Variants in YTHDC1 observed in about 807,000 individuals in gnomAD.
YTHDC1 encodes the protein YTH N6-methyladenosine RNA binding protein C1, also known as YTH domain-containing protein 1.
YTHDC1 carries 12 observed loss-of-function variants against 107.0 expected under a neutral mutation model. The observed-to-expected ratio is 0.11, with a 90% CI of 0.07 to 0.18. The LOEUF is 0.18. YTHDC1 is among the 10% of genes least tolerant of loss of function. YTHDC1 has a pLI of 1.00. For missense variants in YTHDC1, 635 were observed against 898.8 expected (o/e 0.71, Z 3.75); for synonymous variants, 280 against 289.5 (o/e 0.97, Z 0.33).
At chr4:68,316,917 A>G (rs1385402828) in intron 15 of YTHDC1, among the ~76,000 whole-genome samples, 1 of 152,216 alleles carries the variant, frequency 6.6e-6, no homozygotes, top group Non-Finnish European at 1.5e-5. Context: ...CTGGTTAACC[A>G]CTTTGTATGT....
intron 1 of YTHDC1, among the ~76,000 whole-genome samples, chr4:68,339,929 C>T (rs961125220): frequency 2.0e-5 from 3 of 152,112 alleles, no homozygotes; most frequent in African/African-American, 7.2e-5. Context: ...TAGAAATACA[C>T]ACAAATACCA....
intron 1 of YTHDC1, among the ~76,000 whole-genome samples, chr4:68,340,120 C>A (rs1724650063): frequency 6.6e-6 from 1 of 151,988 alleles, no homozygotes; most frequent in Non-Finnish European, 1.5e-5. Flanking sequence ...ACATGAATTA[C>A]AGAAAGGTCT....
rs1377688709 is a variant in YTHDC1, at chr4:68,324,242, C to A, written c.1350-19G>T. On this transcript the variant is annotated intron_variant, in intron 9 of 16. Transcript: ENST00000344157. ...TTCACGCCTAAATACAAAGTAATAT[C>A]AATTACATTCTTCTGCAGAATCCTT... The A allele has an allele frequency of 1.9e-6, 3 of 1,592,538 alleles. No homozygotes were observed. The highest frequency in any genetic ancestry group is 2.6e-6 in the Non-Finnish European group (3 of 1,161,578).
At chr4:68,345,283 A>G (rs1725288242) in intron 1 of YTHDC1, among the ~76,000 whole-genome samples, 1 of 152,194 alleles carries the variant, frequency 6.6e-6, no homozygotes, top group Non-Finnish European at 1.5e-5. Context: ...CTTCTGGGTC[A>G]GAAGACAGTG....
At chr4:68,339,082 G>A (rs533250697) in intron 1 of YTHDC1, among the ~76,000 whole-genome samples, 104 of 152,230 alleles carry the variant, frequency 6.8e-4, no homozygotes, top group Non-Finnish European at 1.2e-3. Context: ...CCAAAAATGT[G>A]CACTCTCCAC....
intron 1 of YTHDC1, among the ~76,000 whole-genome samples, chr4:68,346,100 TAC>T (rs1553908023): frequency 1.5e-5 from 2 of 134,134 alleles, no homozygotes; most frequent in East Asian, 2.1e-4. Flanking sequence ...TATATATATA[TAC>T]ACACACACCT....
chr4:68,325,955 CAGAAGT>C (rs1722947341), intron 9 of YTHDC1, among the ~76,000 whole-genome samples: 1 of 151,962 alleles, frequency 6.6e-6, no homozygotes, highest in South Asian at 2.1e-4. Context: ...TTCAGGCTCT[CAGAAGT>C]AGAAAGACTA....
intron 1 of YTHDC1, among the ~76,000 whole-genome samples, chr4:68,346,695 G>A (rs182309007): frequency 1.3e-5 from 2 of 152,274 alleles, no homozygotes; most frequent in Non-Finnish European, 2.9e-5. Context: ...ATATGGCAGT[G>A]TCAGTGTTCA....
intron 1 of YTHDC1, among the ~76,000 whole-genome samples, chr4:68,343,340 A>T (rs1276786894): frequency 1.3e-5 from 2 of 151,140 alleles, no homozygotes; most frequent in Non-Finnish European, 3.0e-5. Flanking sequence ...CTAGGATTAC[A>T]GAGGCCCGCC....
In YTHDC1 at chr4:68,316,330, T is replaced by C; in HGVS notation, c.1943A>G (p.Tyr648Cys). ...TGCACTTACTACTCGTTTATCTCTG[T>C]ATCTTGCTTCATGTGGTACTGGATG... ...GHHPVPHEAR[Y>C]RDKRVHDYDM... Residue 648 changes from tyrosine (Y) to cysteine (C), a missense_variant, in exon 16 of 17, where the codon TAC becomes TGC. This residue lies in a region of YTHDC1 where 256 missense variants were observed against 372.9 expected (regional missense o/e 0.69). Coordinates refer to ENST00000344157, the MANE Select transcript of YTHDC1 (RefSeq NM_001031732.4). 6.2e-7 allele frequency: 1 copy of C among 1,613,264 alleles called. No individual in the cohort carries two copies. The highest frequency in any genetic ancestry group is 8.5e-7 in the Non-Finnish European group (1 of 1,179,582).
intron 9 of YTHDC1, among the ~76,000 whole-genome samples, chr4:68,324,543 C>T (rs1346058927): frequency 1.3e-5 from 2 of 152,186 alleles, no homozygotes; most frequent in Non-Finnish European, 2.9e-5. Context: ...AGTTGTTTTA[C>T]GCAGTTTGCA....
intron 11 of YTHDC1, among the ~76,000 whole-genome samples, chr4:68,321,656 G>T (rs1203001608): frequency 6.6e-6 from 1 of 152,020 alleles, no homozygotes; most frequent in African/African-American, 2.4e-5. Flanking sequence ...AAAAATAAGG[G>T]GCTCTGCCAG....
chr4:68,345,313 G>C (rs147475869), intron 1 of YTHDC1, among the ~76,000 whole-genome samples: 1 of 152,030 alleles, frequency 6.6e-6, no homozygotes, highest in Non-Finnish European at 1.5e-5. Context: ...AACATGTGAG[G>C]TTCCAGCATC....
chr4:68,316,680 A>G (rs1244543675), intron 15 of YTHDC1, among the ~76,000 whole-genome samples: 3 of 152,218 alleles, frequency 2.0e-5, no homozygotes, highest in Non-Finnish European at 4.4e-5. Context: ...CAATGGAAAT[A>G]GCAAACACTT....
chr4:68,349,630 A>AGCCCCCCCCCC, intron 1 of YTHDC1, 96 bp downstream of exon 1: 5 of 153,364 alleles, frequency 3.3e-5, no homozygotes, highest in Non-Finnish European at 5.2e-5. Context: ...TAACCTCCCC[A>AGCCCCCCCCCC]ACCCCCACCC....
rs767930493 is a variant in YTHDC1 at position 68,327,175 on chromosome 4, G to C, written c.1349+2827C>G. Among the ~76,000 whole-genome samples the C allele has an allele frequency of 5.9e-5, 9 of 152,134 alleles. No individual in the cohort carries two copies. In the Middle Eastern group the frequency reaches 0.01, roughly 172 times the overall value. On this transcript the variant is annotated intron_variant, in intron 9 of 16. Transcript: ENST00000344157. Reference sequence around the variant, plus strand: ...CGCTTGAACCCGGGAGGCGGAAGTTGTGGTGAGCCGAGATTGCGCCATTGC... The same window carrying C: ...CGCTTGAACCCGGGAGGCGGAAGTTCTGGTGAGCCGAGATTGCGCCATTGC...
At chr4:68,326,650 G>C (rs1478517651) in intron 9 of YTHDC1, among the ~76,000 whole-genome samples, 3 of 152,100 alleles carry the variant, frequency 2.0e-5, no homozygotes, top group African/African-American at 7.2e-5. Context: ...GAGTGCAGCT[G>C]CATGATCTCG....
Position 68,349,878 on chromosome 4 carries a change from C to T in YTHDC1, c.-125G>A, listed in dbSNP as rs532909186. The T allele has an allele frequency of 1.1e-4, 146 of 1,354,920 alleles. No homozygotes were observed. The African/African-American group carries it at 1.9e-3, about 17-fold the overall frequency. 83.9% of individuals were successfully genotyped at this position (1,354,920 alleles called of 1,614,324 possible). A position where few individuals can be genotyped will look rare whatever the true frequency, so the allele number is the denominator to read the frequency against. On this transcript the variant is annotated 5_prime_UTR_variant, in exon 1 of 17. Coordinates refer to ENST00000344157, the MANE Select transcript of YTHDC1 (RefSeq NM_001031732.4). Reference sequence around the variant, plus strand: ...TCCGTCTGCCCGGATACGCGCGTCGCACTTGGCCTCTTAACACTCAGCCTT... The same window carrying T: ...TCCGTCTGCCCGGATACGCGCGTCGTACTTGGCCTCTTAACACTCAGCCTT...
intron 12 of YTHDC1, among the ~76,000 whole-genome samples, chr4:68,319,398 T>A (rs1264314681): frequency 6.6e-6 from 1 of 152,176 alleles, no homozygotes; most frequent in African/African-American, 2.4e-5. Context: ...CTTCTTTTAA[T>A]AAGAACCCAA....
Sources: allele counts gnomAD v4.1 joint callset (sites outside exome capture counted in the v4.1 genomes callset), GRCh38; gene constraint gnomAD v4.1.1; regional missense constraint gnomAD v4.1.1; transcripts MANE v1.5; gene names NCBI Gene and HGNC (gene_info 2026-07-23, HGNC 2026-07-21).